Variants in ARHGAP24 observed in about 807,000 individuals in gnomAD.
ARHGAP24 encodes the protein rho GTPase-activating protein 24.
A neutral mutation model predicts 76.4 loss-of-function variants in ARHGAP24; 50 were observed. That is an observed-to-expected ratio of 0.65 (90% CI 0.52 to 0.83). The LOEUF is 0.83. ARHGAP24 is among the 40% of genes least tolerant of loss of function. The pLI, the probability that ARHGAP24 is intolerant of heterozygous loss-of-function variation, is 0.00. For synonymous variants in ARHGAP24, 345 were observed against 323.3 expected, an observed-to-expected ratio of 1.07 and a Z score of -0.72; for missense variants, 930 against 914.2, an observed-to-expected ratio of 1.02 and a Z score of -0.22.
intron 3 of ARHGAP24, among the ~76,000 whole-genome samples, chr4:85,878,494 C>G (rs748729395): frequency 6.6e-6 from 1 of 151,968 alleles, no homozygotes; most frequent in African/African-American, 2.4e-5. Flanking sequence ...AAGAAGAATT[C>G]GTTAAGACCC....
intron 2 of ARHGAP24, among the ~76,000 whole-genome samples, chr4:85,638,413 A>C (rs1030335479): frequency 1.3e-5 from 2 of 152,112 alleles, no homozygotes; most frequent in African/African-American, 4.8e-5. Context: ...CACTTGAAAA[A>C]CTAAAGGGAT....
At chr4:85,973,836 T>TTTTG (rs1739141757) in intron 6 of ARHGAP24, among the ~76,000 whole-genome samples, 2 of 74,986 alleles carry the variant, frequency 2.7e-5, no homozygotes, top group African/African-American at 1.1e-4. Context: ...GCCTATTGTT[T>TTTTG]TTTTTTTTTT....
chr4:85,898,190 T>C (rs1274833175), intron 3 of ARHGAP24, among the ~76,000 whole-genome samples: 13 of 151,694 alleles, frequency 8.6e-5, no homozygotes, highest in African/African-American at 3.1e-4. Flanking sequence ...ACTATTATTA[T>C]TTTATTATTA....
chr4:85,583,751 A>G (rs1320929786), intron 2 of ARHGAP24, among the ~76,000 whole-genome samples: 1 of 151,332 alleles, frequency 6.6e-6, no homozygotes, highest in African/African-American at 2.4e-5. Context: ...TACAAGAAAA[A>G]AAAAAAAACC....
chr4:85,832,729 A>G (rs927590339), intron 3 of ARHGAP24, among the ~76,000 whole-genome samples: 3 of 152,190 alleles, frequency 2.0e-5, no homozygotes, highest in African/African-American at 7.2e-5. Context: ...CCACCAAAAT[A>G]AATTCTAAAA....
chr4:85,825,159 T>C (rs1351211752), intron 3 of ARHGAP24, among the ~76,000 whole-genome samples: 10 of 151,968 alleles, frequency 6.6e-5, no homozygotes, highest in Admixed American at 5.3e-4. Context: ...TGGGGCAGTA[T>C]AATAATTTGA....
intron 2 of ARHGAP24, among the ~76,000 whole-genome samples, chr4:85,582,748 G>T (rs1241965453): frequency 2.0e-5 from 3 of 152,036 alleles, no homozygotes; most frequent in Non-Finnish European, 2.9e-5. Context: ...AAAAAAACCT[G>T]CAAAAACATT....
At position 85,826,418 on chromosome 4, in the gene ARHGAP24, C is replaced by T. The variant is rs375161495; in HGVS notation, c.269-97230C>T. ...GTTCTGCCTCAAACACTAGACGGGG[C>T]TCATGCTGCTCACAATTAACTGACT... On this transcript the variant is annotated intron_variant, in intron 3 of 9. Transcript: ENST00000395184. Among the ~76,000 whole-genome samples, 6 of 152,240 alleles carry T rather than the reference C, an allele frequency of 3.9e-5. No homozygotes were observed. In the South Asian group the frequency reaches 6.2e-4, roughly 16 times the overall value.
At chr4:85,999,373 G>A (rs1035423284) in intron 9 of ARHGAP24, among the ~76,000 whole-genome samples, 1 of 152,152 alleles carries the variant, frequency 6.6e-6, no homozygotes, top group Non-Finnish European at 1.5e-5. Context: ...TAAAATTCTA[G>A]TTGCTTACAA....
chr4:85,859,808 A>G (rs781199807), intron 3 of ARHGAP24, among the ~76,000 whole-genome samples: 1 of 152,154 alleles, frequency 6.6e-6, no homozygotes, highest in Non-Finnish European at 1.5e-5. Context: ...GCAGGTGGGA[A>G]GAAACAGAAA....
chr4:85,853,450 G>T (rs533007268), intron 3 of ARHGAP24, among the ~76,000 whole-genome samples: 4 of 152,072 alleles, frequency 2.6e-5, no homozygotes, highest in African/African-American at 9.7e-5. Context: ...GTGATGCCCC[G>T]CCCTGCTTCG....
rs188611139 is a variant in ARHGAP24 at position 85,820,499 on chromosome 4, G to A, written c.268+98527G>A. ...GGCCCTACTTGAGGCTGGAAGGAGGGAGCAGGGTAAGGATCTAACTGACTA... is the reference window on the plus strand; with the variant it reads ...GGCCCTACTTGAGGCTGGAAGGAGGAAGCAGGGTAAGGATCTAACTGACTA... On this transcript the variant is annotated intron_variant, in intron 3 of 9. Coordinates refer to ENST00000395184, the MANE Select transcript of ARHGAP24 (RefSeq NM_001025616.3). 1.5e-3 allele frequency among the ~76,000 whole-genome samples: 235 copies of A among 152,220 alleles called. 1 individual carries two copies. Among genetic ancestry groups the A allele is most frequent in the Middle Eastern group, 6.8e-3 (2 of 294 alleles).
intron 1 of ARHGAP24, among the ~76,000 whole-genome samples, chr4:85,547,710 A>T (rs2110126830): frequency 6.6e-6 from 1 of 152,328 alleles, no homozygotes; most frequent in African/African-American, 2.4e-5. Context: ...TGCTGGGTTT[A>T]CAGGCTTGAG....
chr4:85,876,276 G>T (rs1732933126), intron 3 of ARHGAP24, among the ~76,000 whole-genome samples: 3 of 152,116 alleles, frequency 2.0e-5, no homozygotes, highest in Admixed American at 2.0e-4. Flanking sequence ...GACCTGATTA[G>T]AATGTTTATC....
At position 85,805,402 on chromosome 4, in the gene ARHGAP24, C is replaced by T. The variant is rs554188901; in HGVS notation, c.268+83430C>T. ...TACCCAGCCGCTTTGATAAATTTAC[C>T]GACATCTGTTACAGAGTCATTTCTG... On this transcript the variant is annotated intron_variant, in intron 3 of 9. Transcript: ENST00000395184. Among the ~76,000 whole-genome samples, 707 of 152,186 alleles carry T rather than the reference C, an allele frequency of 4.6e-3. 4 individuals carry two copies. The highest frequency in any genetic ancestry group is 7.1e-3 in the Non-Finnish European group (485 of 68,006).
intron 3 of ARHGAP24, among the ~76,000 whole-genome samples, chr4:85,862,612 TG>T (rs2110178440): frequency 6.6e-6 from 1 of 152,240 alleles, no homozygotes; most frequent in East Asian, 1.9e-4. Context: ...TCTGAATTCC[TG>T]TCCCAGCCTT....
intron 2 of ARHGAP24, among the ~76,000 whole-genome samples, chr4:85,607,683 CTT>C (rs1160443073): frequency 1.6e-5 from 2 of 123,274 alleles, no homozygotes; most frequent in Non-Finnish European, 3.4e-5. Flanking sequence ...CTTTTCTTTT[CTT>C]TTTTTTTTTT....
At position 85,758,836 on chromosome 4, in the gene ARHGAP24, T is replaced by G. The variant is rs150166061; in HGVS notation, c.268+36864T>G. On this transcript the variant is annotated intron_variant, in intron 3 of 9. Coordinates refer to ENST00000395184, the MANE Select transcript of ARHGAP24 (RefSeq NM_001025616.3). ...GGAAGAGGAGAATATTAAGAACTGT[T>G]AAGGAAAATGATGCGTAAATCACCC... Among the ~76,000 whole-genome samples, 14 of 152,238 alleles carry G rather than the reference T, an allele frequency of 9.2e-5. No individual in the cohort carries two copies. In the East Asian group the frequency reaches 2.5e-3, roughly 27 times the overall value.
chr4:85,880,323 G>T (rs1278364647), intron 3 of ARHGAP24, among the ~76,000 whole-genome samples: 1 of 152,034 alleles, frequency 6.6e-6, no homozygotes, highest in African/African-American at 2.4e-5. Context: ...ATAGCTTTAG[G>T]CTACTATTGA....
Sources: allele counts gnomAD v4.1 joint callset (sites outside exome capture counted in the v4.1 genomes callset), GRCh38; gene constraint gnomAD v4.1.1; transcripts MANE v1.5; gene names NCBI Gene and HGNC (gene_info 2026-07-23, HGNC 2026-07-21).